Variants in KL observed in about 807,000 individuals in gnomAD.
The protein encoded by KL is alpha-klotho.
A neutral mutation model predicts 84.2 loss-of-function variants in KL; 62 were observed. That is an observed-to-expected ratio of 0.74 (90% confidence interval 0.60 to 0.91). KL has a LOEUF of 0.91. Ranked by LOEUF, KL falls within the 40% of genes least tolerant of loss-of-function variation. KL has a pLI of 0.00. For missense variants in KL, 1,261 were observed against 1,305.7 expected, an observed-to-expected ratio of 0.97 and a Z score of 0.53; for synonymous variants, 528 against 528.0, an observed-to-expected ratio of 1.00 and a Z score of 0.00.
In KL at chr13:33,053,845, T is replaced by C; in HGVS notation, c.898T>C (p.Ser300Pro). ...AGGTCAGGTGTCCATTGCCCTAAGC[T>C]CTCACTGGATCAATCCTCGAAGAAT... ...QGGQVSIALSSHWINPRRMTD... is the reference protein window; with the variant it reads ...QGGQVSIALSPHWINPRRMTD... Residue 300 changes from serine (S) to proline (P), a missense_variant, in exon 2 of 5, where the codon TCT (serine) becomes CCT (proline). Ser to Pro is a moderately conservative substitution (Grantham distance 74). Coordinates refer to ENST00000380099, the MANE Select transcript of KL (RefSeq NM_004795.4). 6.2e-7 allele frequency: 1 copy of C among 1,614,088 alleles called. No individual in the cohort carries two copies. Among genetic ancestry groups the C allele is most frequent in the Non-Finnish European group, 8.5e-7 (1 of 1,179,960 alleles).
intron 1 of KL, among the ~76,000 whole-genome samples, chr13:33,043,807 A>C (rs1408726566): frequency 6.6e-6 from 1 of 152,250 alleles, no homozygotes; most frequent in African/African-American, 2.4e-5. Flanking sequence ...GGACGACGTC[A>C]AAATTAAAAC....
At chr13:33,029,250 G>A (rs1234168377) in intron 1 of KL, among the ~76,000 whole-genome samples, 1 of 152,170 alleles carries the variant, frequency 6.6e-6, no homozygotes, top group Non-Finnish European at 1.5e-5. Context: ...ATGCCTTTGT[G>A]AGTTTTCATC....
chr13:33,053,852 G>A lies in KL; in HGVS notation c.905G>A (p.Trp302Ter), dbSNP rs1239260507. 6.2e-7 allele frequency: 1 copy of A among 1,613,936 alleles called. No individual in the cohort carries two copies. Among genetic ancestry groups the A allele is most frequent in the Non-Finnish European group, 8.5e-7 (1 of 1,179,994 alleles). ...GTGTCCATTGCCCTAAGCTCTCACT[G>A]GATCAATCCTCGAAGAATGACCGAC... ...GQVSIALSSH[W>*]INPRRMTDHS... Residue 302 changes from tryptophan to a stop codon, truncating the protein, a stop_gained, in exon 2 of 5, where the codon TGG (tryptophan) becomes TAG (stop). Coordinates refer to ENST00000380099, the MANE Select transcript of KL (RefSeq NM_004795.4). LOFTEE classifies it high-confidence loss of function.
chr13:33,051,905 AC>A (rs1871763087), intron 1 of KL, among the ~76,000 whole-genome samples: 1 of 152,240 alleles, frequency 6.6e-6, no homozygotes, highest in African/African-American at 2.4e-5. Flanking sequence ...ATTGCTGAGT[AC>A]TAGCCTGGAC....
chr13:33,033,370 C>T (rs988477820), intron 1 of KL, among the ~76,000 whole-genome samples: 4 of 152,152 alleles, frequency 2.6e-5, no homozygotes, highest in African/African-American at 9.6e-5. Context: ...ATTTCCCTTT[C>T]GTCACAGGGG....
At chr13:33,045,242 A>G (rs1871482932) in intron 1 of KL, among the ~76,000 whole-genome samples, 4 of 152,094 alleles carry the variant, frequency 2.6e-5, no homozygotes, top group Admixed American at 2.6e-4. Flanking sequence ...TTTGCAATAG[A>G]TTTTTGTGAA....
intron 1 of KL, among the ~76,000 whole-genome samples, chr13:33,019,192 C>A (rs552333199): frequency 4.0e-5 from 6 of 151,534 alleles, no homozygotes; most frequent in African/African-American, 1.5e-4. Flanking sequence ...TTTAGTCATT[C>A]TTGTATCTTA....
At position 33,060,810 on chromosome 13, in the gene KL, C is replaced by T. The variant is rs1872148902; in HGVS notation, c.1731C>T (p.Ala577=). 6.2e-7 allele frequency: 1 copy of T among 1,614,098 alleles called. No homozygotes were observed. The highest frequency in any genetic ancestry group is 1.3e-5 in the African/African-American group (1 of 74,932). Residue 577 remains alanine, a synonymous_variant, in exon 4 of 5, where the codon GCC becomes GCT. Coordinates refer to ENST00000380099, the MANE Select transcript of KL (RefSeq NM_004795.4). ...KRKSYCVDFA[A]IQPQIALLQE... is the part of the protein sequence containing the mutation. ...AATCCTACTGTGTTGACTTTGCTGC[C>T]ATCCAGCCCCAGATCGCTTTACTCC... is the stretch of plus-strand genomic sequence containing the variant.
intron 3 of KL, among the ~76,000 whole-genome samples, chr13:33,058,838 G>T (rs761026962): frequency 6.6e-5 from 10 of 152,102 alleles, no homozygotes; most frequent in Non-Finnish European, 1.3e-4. Context: ...CTTCAAAAGA[G>T]CGTGCAAATA....
chr13:33,031,183 A>G (rs1870958225), intron 1 of KL, among the ~76,000 whole-genome samples: 2 of 152,244 alleles, frequency 1.3e-5, no homozygotes, highest in Admixed American at 1.3e-4. Context: ...TTTCCTAAGA[A>G]GCTAATGGAA....
intron 1 of KL, among the ~76,000 whole-genome samples, chr13:33,020,648 C>G (rs1274522336): frequency 6.6e-6 from 1 of 152,124 alleles, no homozygotes; most frequent in African/African-American, 2.4e-5. Flanking sequence ...TTTTTCATGT[C>G]TTGTTTCTAA....
intron 1 of KL, among the ~76,000 whole-genome samples, chr13:33,045,091 A>G (rs956584492): frequency 6.6e-6 from 1 of 152,000 alleles, no homozygotes; most frequent in Non-Finnish European, 1.5e-5. Context: ...TCCTGTGTAT[A>G]TTTTATTCTT....
At chr13:33,035,587 T>C (rs1422455599) in intron 1 of KL, among the ~76,000 whole-genome samples, 1 of 151,896 alleles carries the variant, frequency 6.6e-6, no homozygotes, top group Admixed American at 6.6e-5. Flanking sequence ...CCTTATCTTC[T>C]TGTCTCTTTT....
chr13:33,037,887 C>T (rs58216809), intron 1 of KL, among the ~76,000 whole-genome samples: 1 of 151,952 alleles, frequency 6.6e-6, no homozygotes, highest in South Asian at 2.1e-4. Flanking sequence ...ACCCAGCTCA[C>T]GAATAATATT....
chr13:33,045,922 T>C (rs940258673), intron 1 of KL, among the ~76,000 whole-genome samples: 1 of 152,266 alleles, frequency 6.6e-6, no homozygotes, highest in African/African-American at 2.4e-5. Context: ...TCTCCCCCTT[T>C]ACTCTATTGA....
rs1036011547 is a variant in KL, at chr13:33,064,897, A to G, written c.*711A>G. The stretch of plus-strand genomic sequence containing the variant: ...TGGCATCTTGTTGAGGGCCTTGCAC[A>G]TAGGAAACTTTTGATAAGTATCTGC... On this transcript the variant is annotated 3_prime_UTR_variant, in exon 5 of 5. Transcript: ENST00000380099. 23 of 228,462 alleles carry G rather than the reference A, an allele frequency of 1.0e-4. No homozygotes were observed. Among genetic ancestry groups the G allele is most frequent in the African/African-American group, 2.7e-4 (12 of 45,126 alleles). The allele number at this position is 228,462 out of a possible 1,614,324, so 14.2% of individuals were successfully genotyped here. A position where few individuals can be genotyped will look rare whatever the true frequency, so the allele number is the denominator to read the frequency against.
chr13:33,046,125 A>G lies in KL; in HGVS notation c.820-7642A>G, dbSNP rs149041802. On this transcript the variant is annotated intron_variant, in intron 1 of 4. Coordinates refer to ENST00000380099, the MANE Select transcript of KL (RefSeq NM_004795.4). ...ACTATTATTTTCTTGTGGTGGCTTTATCTGGCTTTGGTATCAAGATAATGC... is the reference window on the plus strand; with the variant it reads ...ACTATTATTTTCTTGTGGTGGCTTTGTCTGGCTTTGGTATCAAGATAATGC... 3.3e-5 allele frequency among the ~76,000 whole-genome samples: 5 copies of G among 152,194 alleles called. No homozygotes were observed. The South Asian group carries it at 6.2e-4, about 19-fold the overall frequency.
chr13:33,042,930 C>T (rs1871390918), intron 1 of KL, among the ~76,000 whole-genome samples: 2 of 152,132 alleles, frequency 1.3e-5, no homozygotes, highest in Admixed American at 1.3e-4. Flanking sequence ...GATCCACCCA[C>T]CTCGGCCTCC....
chr13:33,017,982 T>G (rs181140902), intron 1 of KL, among the ~76,000 whole-genome samples: 8 of 152,350 alleles, frequency 5.3e-5, no homozygotes, highest in Admixed American at 4.6e-4. Flanking sequence ...CTTATGACAT[T>G]GTTAGCCTGA....
Sources: allele counts gnomAD v4.1 joint callset (sites outside exome capture counted in the v4.1 genomes callset), GRCh38; gene constraint gnomAD v4.1.1; transcripts MANE v1.5; gene names NCBI Gene and HGNC (gene_info 2026-07-23, HGNC 2026-07-21).